Variants in BCL11A observed in about 807,000 individuals in gnomAD.
BCL11A encodes the protein B cell CLL/lymphoma 11A.
BCL11A carries 2 observed loss-of-function variants against 55.9 expected under a neutral mutation model. That is an observed-to-expected ratio of 0.04 (90% confidence interval 0.01 to 0.11). The LOEUF is 0.11. BCL11A is among the 10% of genes least tolerant of loss of function. BCL11A has a pLI of 1.00. For missense variants in BCL11A, 817 were observed against 1,137.1 expected (o/e 0.72, Z 4.05); for synonymous variants, 465 against 473.4 (o/e 0.98, Z 0.23).
At chr2:60,520,148 T>A (rs1323521551) in intron 2 of BCL11A, among the ~76,000 whole-genome samples, 1 of 152,198 alleles carries the variant, frequency 6.6e-6, no homozygotes, top group East Asian at 1.9e-4. Flanking sequence ...ATACCTTGCG[T>A]GGCAAGGTAT....
Position 60,502,833 on chromosome 2 carries a change from G to A in BCL11A, c.386-34000C>T, listed in dbSNP as rs1679367989. 2.0e-5 allele frequency among the ~76,000 whole-genome samples: 3 copies of A among 152,174 alleles called. 1 individual carries two copies. The highest frequency in any genetic ancestry group is 2.0e-4 in the Admixed American group (3 of 15,282). Reference sequence around the variant, plus strand: ...TGTCACCCAGAAACTATGTGACCAGGGGAGGTACTTAATCTCTAAGAGAAT... The same window carrying A: ...TGTCACCCAGAAACTATGTGACCAGAGGAGGTACTTAATCTCTAAGAGAAT... On this transcript the variant is annotated intron_variant, in intron 2 of 3. Transcript: ENST00000642384.
Position 60,461,373 on chromosome 2 carries a change from G to A in BCL11A, c.1539C>T (p.Tyr513=), listed in dbSNP as rs777093227. ...EELTESERVD[Y]GFGLSLEAAR... ...CCGCCTCCAGGCTCAGCCCGAAGCC[G>A]TAGTCCACCCTCTCGCTCTCCGTCA... The change falls in exon 4 of 4, where the codon TAC becomes TAT. Residue 513 remains tyrosine, a synonymous_variant. Transcript: ENST00000642384. 4.4e-6 allele frequency: 7 copies of A among 1,606,064 alleles called. No homozygotes were observed. The highest frequency in any genetic ancestry group is 1.1e-5 in the South Asian group (1 of 90,740).
At chr2:60,544,184 G>A (rs1379749709) in intron 2 of BCL11A, 2 of 152,182 alleles carry the variant, frequency 1.3e-5, no homozygotes, top group African/African-American at 4.8e-5. Context: ...ACTGTGTTTT[G>A]TCTTTTAAAC....
At chr2:60,493,491 C>T (rs1041268535) in intron 2 of BCL11A, among the ~76,000 whole-genome samples, 2 of 152,126 alleles carry the variant, frequency 1.3e-5, no homozygotes, top group Non-Finnish European at 2.9e-5. Context: ...TACCAAATGT[C>T]ATCCTATTCC....
At chr2:60,473,408 T>TA (rs1456946017) in intron 2 of BCL11A, among the ~76,000 whole-genome samples, 2 of 152,116 alleles carry the variant, frequency 1.3e-5, no homozygotes, top group African/African-American at 4.8e-5. Flanking sequence ...CAGGCCAAAA[T>TA]ACAGGACTAC....
intron 2 of BCL11A, among the ~76,000 whole-genome samples, chr2:60,529,333 G>A (rs1004285473): frequency 6.6e-6 from 1 of 152,192 alleles, no homozygotes; most frequent in African/African-American, 2.4e-5. Flanking sequence ...TATGAGGCAA[G>A]CCCCGTGATT....
At chr2:60,490,859 T>A (rs1263471727) in intron 2 of BCL11A, among the ~76,000 whole-genome samples, 1 of 152,166 alleles carries the variant, frequency 6.6e-6, no homozygotes, top group Non-Finnish European at 1.5e-5. Context: ...TTTCCAAATA[T>A]CATTTCTGTT....
chr2:60,471,942 T>C (rs1298445118), intron 2 of BCL11A, among the ~76,000 whole-genome samples: 1 of 152,194 alleles, frequency 6.6e-6, no homozygotes, highest in Non-Finnish European at 1.5e-5. Context: ...ACACTCAAGC[T>C]GAATCAGCAC....
At chr2:60,517,774 C>G (rs1668799489) in intron 2 of BCL11A, among the ~76,000 whole-genome samples, 1 of 152,214 alleles carries the variant, frequency 6.6e-6, no homozygotes. Flanking sequence ...CCTTTCTCAT[C>G]TGTAAAATGA....
chr2:60,458,182 G>A lies in BCL11A; in HGVS notation c.*2222C>T. On this transcript the variant is annotated 3_prime_UTR_variant, in exon 4 of 4. Coordinates refer to ENST00000642384, the MANE Select transcript of BCL11A (RefSeq NM_022893.4). ...TACCATTCTAGAAATACAGAAAAAA[G>A]ACCATAAATGTATTTTAGCATAGGA... The A allele has an allele frequency of 2.0e-6, 2 of 1,023,352 alleles. No individual in the cohort carries two copies. Among genetic ancestry groups the A allele is most frequent in the Non-Finnish European group, 2.3e-6 (2 of 851,926 alleles). The allele number at this position is 1,023,352 out of a possible 1,614,324, so 63.4% of individuals were successfully genotyped here. A position where few individuals can be genotyped will look rare whatever the true frequency, so the allele number is the denominator to read the frequency against.
At chr2:60,485,201 G>C (rs1352506128) in intron 2 of BCL11A, among the ~76,000 whole-genome samples, 2 of 152,200 alleles carry the variant, frequency 1.3e-5, no homozygotes, top group Admixed American at 1.3e-4. Flanking sequence ...GTCATCCAGA[G>C]TGTAATGGAA....
At chr2:60,451,443 G>C (rs1353047497) in exon 5 of BCL11A, 2 of 229,360 alleles carry the variant, frequency 8.7e-6, no homozygotes, top group Non-Finnish European at 1.7e-5. Flanking sequence ...AATTAACTGG[G>C]CCAGAAAGAA....
chr2:60,483,284 A>C (rs1558633520), intron 2 of BCL11A, among the ~76,000 whole-genome samples: 1 of 152,210 alleles, frequency 6.6e-6, no homozygotes. Flanking sequence ...TGACAAGGGG[A>C]AGACCAGGAA....
In BCL11A at chr2:60,523,847, C is replaced by T. The variant is rs76868235; in HGVS notation, c.385+22124G>A. 1.6e-3 allele frequency among the ~76,000 whole-genome samples: 244 copies of T among 152,220 alleles called. 2 individuals are homozygous for T. Among genetic ancestry groups the T allele is most frequent in the African/African-American group, 5.6e-3 (234 of 41,528 alleles). On this transcript the variant is annotated intron_variant, in intron 2 of 3. Transcript: ENST00000642384. ...TGGAAAATTACTTAACTAGCCCAAA[C>T]GTTCAAGAATTGACCAAGGTTTAAG...
At position 60,460,168 on chromosome 2, in the gene BCL11A, G is replaced by GAAAAAAAAAAAAAAGAAAAAAAAAA. The variant is rs1676168895; in HGVS notation, c.*235_*236insTTTTTTTTTTCTTTTTTTTTTTTTT. On this transcript the variant is annotated 3_prime_UTR_variant, in exon 4 of 4. Coordinates refer to ENST00000642384, the MANE Select transcript of BCL11A (RefSeq NM_022893.4). Reference sequence around the variant, plus strand: ...GCATTCAAACGGTGAGAACATAAAGGAAAAAAAAAAAAAAGGAAAAAGAAA... The same window carrying GAAAAAAAAAAAAAAGAAAAAAAAAA: ...GCATTCAAACGGTGAGAACATAAAGGAAAAAAAAAAAAAAGAAAAAAAAAAAAAAAAAAAAAAAAGGAAAAAGAAA... 1.2e-6 allele frequency: 1 copy of GAAAAAAAAAAAAAAGAAAAAAAAAA among 815,412 alleles called. No homozygotes were observed. The highest frequency in any genetic ancestry group is 1.5e-6 in the Non-Finnish European group (1 of 652,646). 50.5% of individuals were successfully genotyped at this position (815,412 alleles called of 1,614,324 possible).
intron 2 of BCL11A, among the ~76,000 whole-genome samples, chr2:60,510,420 T>C (rs985004066): frequency 3.9e-5 from 6 of 152,128 alleles, no homozygotes; most frequent in Non-Finnish European, 5.9e-5. Flanking sequence ...CATGGCCAAC[T>C]TCCTCACCTC....
chr2:60,524,036 G>C (rs899237280), intron 2 of BCL11A, among the ~76,000 whole-genome samples: 1 of 152,204 alleles, frequency 6.6e-6, no homozygotes, highest in African/African-American at 2.4e-5. Context: ...TATTGTTTGA[G>C]AGACTCCGGA....
downstream of BCL11A, among the ~76,000 whole-genome samples, chr2:60,455,188 C>T (rs1675885713): frequency 6.6e-6 from 1 of 152,048 alleles, no homozygotes; most frequent in Non-Finnish European, 1.5e-5. Flanking sequence ...ACATTTTAAG[C>T]ATCAGTTCAG....
chr2:60,548,013 C>T lies in BCL11A; in HGVS notation c.56-1713G>A, dbSNP rs147084993. Among the ~76,000 whole-genome samples, 214 of 152,320 alleles carry T rather than the reference C, an allele frequency of 1.4e-3. 1 individual carries two copies. The highest frequency in any genetic ancestry group is 4.7e-3 in the African/African-American group (194 of 41,564). Reference sequence around the variant, plus strand: ...CAACATACTGGCCAAAAGATAAATACAGAATACATATGCATACTTTTCAAA... The same window carrying T: ...CAACATACTGGCCAAAAGATAAATATAGAATACATATGCATACTTTTCAAA... On this transcript the variant is annotated intron_variant, in intron 1 of 3. Coordinates refer to ENST00000642384, the MANE Select transcript of BCL11A (RefSeq NM_022893.4).
Sources: allele counts gnomAD v4.1 joint callset (sites outside exome capture counted in the v4.1 genomes callset), GRCh38; gene constraint gnomAD v4.1.1; transcripts MANE v1.5; gene names NCBI Gene and HGNC (gene_info 2026-07-23, HGNC 2026-07-21).